RBFOX2: variants seen among roughly 807,000 people sequenced by gnomAD.
The protein encoded by RBFOX2 is RNA binding fox-1 homolog 2.
RBFOX2 carries 10 observed loss-of-function variants against 49.1 expected under a neutral mutation model. That is an observed-to-expected ratio of 0.20 (90% CI 0.13 to 0.35). The LOEUF (loss-of-function observed/expected upper bound fraction) is 0.35, where lower values mean the gene tolerates loss of function less well. Ranked by LOEUF, RBFOX2 falls within the 10% of genes least tolerant of loss-of-function variation. RBFOX2 has a pLI of 1.00. For missense variants in RBFOX2, 323 were observed against 486.9 expected (o/e 0.66, Z 3.17); for synonymous variants, 183 against 187.4 (o/e 0.98, Z 0.19).
intron 1 of RBFOX2, among the ~76,000 whole-genome samples, chr22:36,026,568 A>ACC (rs1235641366): frequency 6.6e-6 from 1 of 151,884 alleles, no homozygotes; most frequent in Non-Finnish European, 1.5e-5. Flanking sequence ...ACACACACAC[A>ACC]CACACCAAGT....
At chr22:35,746,587 TAC>T in intron 9 of RBFOX2, 26 bp from the exon 12 acceptor site, 1 of 1,435,546 alleles carries the variant, frequency 7.0e-7, no homozygotes. Flanking sequence ...GAACTGACTT[TAC>T]AGATACCTCT....
rs969091923 is a variant in RBFOX2 at position 35,972,191 on chromosome 22, T to G, written c.187-33294A>C. Among the ~76,000 whole-genome samples the G allele has an allele frequency of 3.9e-5, 6 of 152,096 alleles. 1 individual carries two copies. In the South Asian group the frequency reaches 1.2e-3, roughly 32 times the overall value. Reference sequence around the variant, plus strand: ...AATCCCTTTTTAGATCATTTTGGGGTTTTTTAAATGCTATTTTTAGAAATT... The same window carrying G: ...AATCCCTTTTTAGATCATTTTGGGGGTTTTTAAATGCTATTTTTAGAAATT... On this transcript the variant is annotated intron_variant, in intron 1 of 13. Transcript: ENST00000438146.
At chr22:35,915,271 C>G (rs557799448) in intron 1 of RBFOX2, among the ~76,000 whole-genome samples, 35 of 152,316 alleles carry the variant, frequency 2.3e-4, no homozygotes, top group Non-Finnish European at 4.4e-5. Flanking sequence ...CCTGCCAAAT[C>G]CATTGGGAAG....
chr22:35,783,995 G>A (rs888913179), intron 2 of RBFOX2, among the ~76,000 whole-genome samples: 2 of 152,166 alleles, frequency 1.3e-5, no homozygotes, highest in Middle Eastern at 3.2e-3. Context: ...GACAGACCCC[G>A]TGGCCCGTCC....
intron 1 of RBFOX2, chr22:36,000,106 T>C (rs2058354426): frequency 6.6e-6 from 1 of 151,242 alleles, no homozygotes; most frequent in African/African-American, 2.4e-5. Flanking sequence ...GTTCAAGTGA[T>C]TCTCCTGCCT....
intron 1 of RBFOX2, among the ~76,000 whole-genome samples, chr22:36,026,048 T>C (rs764480152): frequency 1.3e-5 from 2 of 152,116 alleles, no homozygotes; most frequent in South Asian, 2.1e-4. Context: ...GTGAATCACC[T>C]GAGGTCAGGA....
chr22:35,851,351 A>G (rs752061275), intron 1 of RBFOX2, among the ~76,000 whole-genome samples: 3 of 152,240 alleles, frequency 2.0e-5, no homozygotes, highest in Non-Finnish European at 4.4e-5. Context: ...TTTATTGAAC[A>G]TCTATTGCAG....
chr22:35,745,830 G>T, intron 11 of RBFOX2, 93 bp downstream of exon 13: 1 of 1,290,798 alleles, frequency 7.7e-7, no homozygotes, highest in Non-Finnish European at 1.1e-6. Context: ...TGGATGAAAG[G>T]CTGAATTTAC....
upstream of RBFOX2, among the ~76,000 whole-genome samples, chr22:35,844,643 C>G (rs532528310): frequency 6.6e-6 from 1 of 151,356 alleles, no homozygotes; most frequent in South Asian, 2.1e-4. Flanking sequence ...TACAGGCACA[C>G]ACCACCATGC....
upstream of RBFOX2, among the ~76,000 whole-genome samples, chr22:35,843,965 C>G (rs2040843614): frequency 6.6e-6 from 1 of 152,162 alleles, no homozygotes; most frequent in Non-Finnish European, 1.5e-5. Context: ...CTTCAGTTAC[C>G]AAGAATTTAC....
chr22:35,815,107 T>C (rs1356758109), intron 1 of RBFOX2, among the ~76,000 whole-genome samples: 1 of 152,178 alleles, frequency 6.6e-6, no homozygotes, highest in African/African-American at 2.4e-5. Flanking sequence ...GACAGGTGAC[T>C]TTCAGTGTTT....
At chr22:35,898,376 A>G in intron 1 of RBFOX2, 2 of 619,930 alleles carry the variant, frequency 3.2e-6, no homozygotes, top group Non-Finnish European at 6.0e-6. Context: ...CAGGGCCCAG[A>G]CAACCCGGGA....
At chr22:36,002,356 T>C (rs755535329) in intron 1 of RBFOX2, among the ~76,000 whole-genome samples, 11 of 152,050 alleles carry the variant, frequency 7.2e-5, no homozygotes, top group East Asian at 1.9e-4. Context: ...TGTCGAGCAA[T>C]AGGACATGTT....
intron 1 of RBFOX2, among the ~76,000 whole-genome samples, chr22:35,925,027 T>A (rs890421540): frequency 6.6e-6 from 1 of 151,160 alleles, no homozygotes; most frequent in Non-Finnish European, 1.5e-5. Context: ...AAAATAAATA[T>A]ATATATATAT....
chr22:35,868,361 A>C (rs1455189207), intron 1 of RBFOX2, among the ~76,000 whole-genome samples: 1 of 152,246 alleles, frequency 6.6e-6, no homozygotes. Context: ...CTTCATAGAA[A>C]GTGTAGGTTA....
At chr22:35,882,266 G>T (rs567877670) in intron 1 of RBFOX2, among the ~76,000 whole-genome samples, 20 of 152,276 alleles carry the variant, frequency 1.3e-4, no homozygotes, top group Non-Finnish European at 1.9e-4. Flanking sequence ...GAAGTGATCA[G>T]TGATAGAATA....
intron 2 of RBFOX2, among the ~76,000 whole-genome samples, chr22:35,800,350 A>C (rs1949542286): frequency 1.3e-5 from 2 of 152,238 alleles, no homozygotes; most frequent in Middle Eastern, 3.4e-3. Context: ...TGCTCACTTC[A>C]TTTACTTGCT....
At chr22:35,972,299 T>C (rs188943440) in intron 1 of RBFOX2, among the ~76,000 whole-genome samples, 2 of 152,208 alleles carry the variant, frequency 1.3e-5, no homozygotes, top group East Asian at 1.9e-4. Flanking sequence ...TTCTAAATCA[T>C]GCAAAAAGTA....
intron 1 of RBFOX2, among the ~76,000 whole-genome samples, chr22:35,922,376 C>T (rs929660644): frequency 5.3e-5 from 8 of 151,514 alleles, no homozygotes; most frequent in African/African-American, 1.7e-4. Context: ...GTCAGGAGTT[C>T]GAGGCCAGCC....
Sources: gnomAD v4.1 joint callset for allele counts (sites outside exome capture counted in the v4.1 genomes callset) on GRCh38, gnomAD v4.1.1 for gene constraint, MANE v1.5 for transcripts, NCBI Gene and HGNC (gene_info 2026-07-23, HGNC 2026-07-21) for gene names.